The following CADPS variants were observed in gnomAD, a reference collection of about 807,000 sequenced individuals.
The protein encoded by CADPS is calcium dependent secretion activator, also known as calcium-dependent secretion activator 1.
A neutral mutation model predicts 167.3 loss-of-function variants in CADPS; 57 were observed. The observed-to-expected ratio is 0.34, with a 90% CI of 0.28 to 0.42. CADPS has a LOEUF of 0.42. Ranked by LOEUF, CADPS falls within the 20% of genes least tolerant of loss-of-function variation. The pLI, the probability that CADPS is intolerant of heterozygous loss-of-function variation, is 1.00. For missense variants in CADPS, 1,414 were observed against 1,738.1 expected (o/e 0.81, Z 3.32); for synonymous variants, 676 against 635.3 (o/e 1.06, Z -0.96).
At chr3:62,856,856 T>C (rs1577415362) in intron 1 of CADPS, among the ~76,000 whole-genome samples, 1 of 145,916 alleles carries the variant, frequency 6.9e-6, no homozygotes, top group East Asian at 2.0e-4. Flanking sequence ...GAGTAAAAAA[T>C]ATAAAGGTAA....
At chr3:62,757,986 C>T (rs2084409232) in intron 2 of CADPS, among the ~76,000 whole-genome samples, 1 of 152,198 alleles carries the variant, frequency 6.6e-6, no homozygotes, top group African/African-American at 2.4e-5. Flanking sequence ...TCACTGGGTA[C>T]CCCCATGACA....
chr3:62,613,074 T>A (rs1458911136), intron 6 of CADPS, among the ~76,000 whole-genome samples: 1 of 152,118 alleles, frequency 6.6e-6, no homozygotes, highest in Non-Finnish European at 1.5e-5. Flanking sequence ...TCAGGGGACA[T>A]CCTGCCTGAA....
At chr3:62,813,751 T>C (rs186407945) in intron 1 of CADPS, among the ~76,000 whole-genome samples, 11 of 152,130 alleles carry the variant, frequency 7.2e-5, no homozygotes, top group African/African-American at 2.2e-4. Context: ...ACTTAAGCAA[T>C]TGAGCAAGCA....
At chr3:62,571,475 AT>A (rs2081274375) in intron 8 of CADPS, among the ~76,000 whole-genome samples, 1 of 152,038 alleles carries the variant, frequency 6.6e-6, no homozygotes, top group South Asian at 2.1e-4. Context: ...AAAGAAATTA[AT>A]TTTTTTATAC....
intron 4 of CADPS, among the ~76,000 whole-genome samples, chr3:62,651,965 C>T (rs910523304): frequency 3.3e-5 from 5 of 151,908 alleles, no homozygotes; most frequent in African/African-American, 4.8e-5. Flanking sequence ...AAGAAAATAT[C>T]CTGGGGTAGA....
intron 1 of CADPS, chr3:62,779,577 T>C: frequency 3.8e-6 from 2 of 533,328 alleles, no homozygotes. Flanking sequence ...TGGGACATAA[T>C]TCTGCTGGGC....
chr3:62,679,464 TG>T (rs1026181041), intron 3 of CADPS, among the ~76,000 whole-genome samples: 13 of 151,942 alleles, frequency 8.6e-5, no homozygotes, highest in African/African-American at 2.9e-4. Flanking sequence ...TGGGAGCTTA[TG>T]TGTGGTTGGA....
intron 3 of CADPS, among the ~76,000 whole-genome samples, chr3:62,747,230 T>C (rs1287190317): frequency 1.3e-5 from 2 of 152,356 alleles, no homozygotes; most frequent in East Asian, 3.9e-4. Flanking sequence ...TTTTAAAACA[T>C]TTCTTCTGTA....
At chr3:62,654,663 C>T (rs187169403) in intron 4 of CADPS, among the ~76,000 whole-genome samples, 33 of 152,234 alleles carry the variant, frequency 2.2e-4, no homozygotes, top group Admixed American at 6.5e-4. Flanking sequence ...AAGGCTGTCA[C>T]GGAACAAAGG....
chr3:62,724,865 T>G (rs1002609964), intron 3 of CADPS, among the ~76,000 whole-genome samples: 1 of 152,246 alleles, frequency 6.6e-6, no homozygotes, highest in Non-Finnish European at 1.5e-5. Context: ...TCAGCTATTC[T>G]CAGGATAAGC....
chr3:62,631,463 T>C (rs193013636), intron 6 of CADPS, among the ~76,000 whole-genome samples: 1 of 152,210 alleles, frequency 6.6e-6, no homozygotes, highest in Admixed American at 6.5e-5. Flanking sequence ...TTGTTTCATG[T>C]GCATTTCTCT....
chr3:62,788,261 C>T (rs764321817), intron 1 of CADPS, among the ~76,000 whole-genome samples: 27 of 152,106 alleles, frequency 1.8e-4, no homozygotes, highest in African/African-American at 5.3e-4. Flanking sequence ...TGGAAGAAAT[C>T]GGGCAGGACA....
intron 5 of CADPS, 53 bp downstream of exon 5, chr3:62,650,794 C>T (rs2069905849): frequency 1.5e-6 from 2 of 1,357,092 alleles, no homozygotes; most frequent in Non-Finnish European, 2.1e-6. Flanking sequence ...CATCTAATCG[C>T]CCATGTCCTA....
chr3:62,514,553 G>A lies in CADPS; in HGVS notation c.2581+1506C>T, dbSNP rs1157305830. Among the ~76,000 whole-genome samples the A allele has an allele frequency of 6.6e-6, 1 of 152,216 alleles. No homozygotes were observed. Among genetic ancestry groups the A allele is most frequent in the East Asian group, 1.9e-4 (1 of 5,182 alleles). On this transcript the variant is annotated intron_variant, in intron 16 of 29. Coordinates refer to ENST00000383710, the MANE Select transcript of CADPS (RefSeq NM_003716.4). This position sits in a 1 kb window ranked among gnomAD's most constrained non-coding sequence, Gnocchi z 4.2. ...AATTAACACAACCAAGAAGAATTGA[G>A]GCACAAAAGGAAATTACAGACCAGC...
At chr3:62,694,322 G>T (rs2079856117) in intron 3 of CADPS, among the ~76,000 whole-genome samples, 1 of 152,070 alleles carries the variant, frequency 6.6e-6, no homozygotes, top group African/African-American at 2.4e-5. Flanking sequence ...ATGCTCTAAG[G>T]TATTTATCTT....
intron 28 of CADPS, among the ~76,000 whole-genome samples, chr3:62,406,255 G>A (rs948320363): frequency 1.3e-5 from 2 of 152,114 alleles, no homozygotes; most frequent in African/African-American, 2.4e-5. Context: ...CACAAACCAG[G>A]GCTTTCTCCC....
chr3:62,608,373 C>T (rs1428349781), intron 6 of CADPS, among the ~76,000 whole-genome samples: 1 of 151,756 alleles, frequency 6.6e-6, no homozygotes, highest in African/African-American at 2.4e-5. Flanking sequence ...ACCTCCACCT[C>T]CCGGGCTCAC....
chr3:62,854,335 A>C (rs566667496), intron 1 of CADPS, among the ~76,000 whole-genome samples: 1 of 152,342 alleles, frequency 6.6e-6, no homozygotes, highest in African/African-American at 2.4e-5. Flanking sequence ...GCAAGCAATC[A>C]ATGTATCTGG....
chr3:62,652,211 C>T (rs1342174060), intron 4 of CADPS, among the ~76,000 whole-genome samples: 1 of 151,914 alleles, frequency 6.6e-6, no homozygotes, highest in Non-Finnish European at 1.5e-5. Flanking sequence ...TCTTTCATCC[C>T]CAAATTCTCA....
Sources: allele counts gnomAD v4.1 joint callset (sites outside exome capture counted in the v4.1 genomes callset), GRCh38; gene constraint gnomAD v4.1.1; non-coding constraint Gnocchi (gnomAD v3.1); transcripts MANE v1.5; gene names NCBI Gene and HGNC (gene_info 2026-07-23, HGNC 2026-07-21).